Variants in XKR6 observed in about 807,000 individuals in gnomAD.
XKR6 encodes XK-related protein 6.
XKR6 carries 22 observed loss-of-function variants against 56.7 expected under a neutral mutation model. That is an observed-to-expected ratio of 0.39 (90% CI 0.28 to 0.55). XKR6 has a LOEUF of 0.55. Ranked by LOEUF, XKR6 falls within the 20% of genes least tolerant of loss-of-function variation. The pLI is 0.66. For synonymous variants in XKR6, 524 were observed against 387.8 expected, an observed-to-expected ratio of 1.35 and a Z score of -4.13; for missense variants, 852 against 889.0, an observed-to-expected ratio of 0.96 and a Z score of 0.53.
At chr8:11,118,906 G>A (rs566876219) in intron 1 of XKR6, among the ~76,000 whole-genome samples, 1 of 152,250 alleles carries the variant, frequency 6.6e-6, no homozygotes, top group East Asian at 1.9e-4. Flanking sequence ...ATGTTAGGGT[G>A]TCAATTTTAG....
At chr8:11,045,081 T>C (rs1799376263) in intron 1 of XKR6, among the ~76,000 whole-genome samples, 1 of 119,488 alleles carries the variant, frequency 8.4e-6, no homozygotes, top group East Asian at 2.3e-4. Context: ...CACTCTTTTT[T>C]TTTTTTTTTT....
At chr8:11,116,306 T>C (rs1324124482) in intron 1 of XKR6, among the ~76,000 whole-genome samples, 3 of 152,192 alleles carry the variant, frequency 2.0e-5, no homozygotes, top group African/African-American at 7.2e-5. Flanking sequence ...CATCTATGTA[T>C]CCCAAATTTG....
At chr8:10,945,127 C>T (rs963594769) in intron 1 of XKR6, among the ~76,000 whole-genome samples, 1 of 152,168 alleles carries the variant, frequency 6.6e-6, no homozygotes, top group African/African-American at 2.4e-5. Flanking sequence ...CATTTCCCCA[C>T]CAGCAAGTAG....
intron 1 of XKR6, among the ~76,000 whole-genome samples, chr8:11,016,591 C>G (rs1023992298): frequency 1.4e-4 from 21 of 152,206 alleles, no homozygotes; most frequent in Non-Finnish European, 2.5e-4. Flanking sequence ...CGCCGCCCTC[C>G]GGCTGGCTGC....
intron 1 of XKR6, among the ~76,000 whole-genome samples, chr8:10,993,835 C>A (rs932553837): frequency 1.3e-5 from 2 of 152,150 alleles, no homozygotes; most frequent in Non-Finnish European, 2.9e-5. Flanking sequence ...GGCTGGGGTT[C>A]CCTACCTCAC....
chr8:10,975,179 G>C (rs1489043784), intron 1 of XKR6, among the ~76,000 whole-genome samples: 1 of 152,122 alleles, frequency 6.6e-6, no homozygotes, highest in Non-Finnish European at 1.5e-5. Flanking sequence ...GATAGCAATG[G>C]GGAACCTGAG....
chr8:11,059,732 C>T (rs1487977971), intron 1 of XKR6, among the ~76,000 whole-genome samples: 1 of 150,274 alleles, frequency 6.7e-6, no homozygotes, highest in East Asian at 2.0e-4. Flanking sequence ...CCGGCCCGCG[C>T]CCCCCGGACC....
Position 11,200,791 on chromosome 8 carries a change from C to T in XKR6, c.549G>A (p.Trp183Ter). The part of the protein sequence containing the change: ...SLLVQSLSFR[W>*]FVQDYTGGGL... ...CGCCGCCCGTGTAGTCCTGCACGAA[C>T]CAGCGGAAGCTCAGGCTCTGCACCA... is the stretch of plus-strand genomic sequence containing the variant. Residue 183 changes from tryptophan (W) to a stop codon, truncating the protein, a stop_gained, in exon 1 of 3, where the codon TGG (tryptophan) becomes TGA (stop). Transcript: ENST00000416569. LOFTEE classifies it high-confidence loss of function. This position sits in a 1 kb window ranked among gnomAD's most constrained non-coding sequence, Gnocchi z 6.4. 1 of 1,608,996 alleles carries T rather than the reference C, an allele frequency of 6.2e-7. No homozygotes were observed.
intron 1 of XKR6, among the ~76,000 whole-genome samples, chr8:11,043,583 G>A (rs1323283965): frequency 6.6e-6 from 1 of 152,178 alleles, no homozygotes; most frequent in Non-Finnish European, 1.5e-5. Flanking sequence ...CACTTCCCCT[G>A]GGCAGAGTCA....
chr8:11,007,827 G>A (rs570824513), intron 1 of XKR6, among the ~76,000 whole-genome samples: 1 of 152,174 alleles, frequency 6.6e-6, no homozygotes, highest in South Asian at 2.1e-4. Context: ...TCCTCTCTGG[G>A]CTTGTATCTT....
rs571365197 is a variant in XKR6, at chr8:11,052,258, T to C, written c.765-127428A>G. Among the ~76,000 whole-genome samples, 6 of 152,246 alleles carry C rather than the reference T, an allele frequency of 3.9e-5. No individual in the cohort carries two copies. In the South Asian group the frequency reaches 6.2e-4, roughly 16 times the overall value. ...CACCACCGAGGTATCTGCTCAAGGA[T>C]AGCAGCTCAGAGGGGCCTCCCTTGA... On this transcript the variant is annotated intron_variant, in intron 1 of 2. Coordinates refer to ENST00000416569, the MANE Select transcript of XKR6 (RefSeq NM_173683.4).
chr8:10,977,643 T>A (rs968053237), intron 1 of XKR6, among the ~76,000 whole-genome samples: 1 of 149,076 alleles, frequency 6.7e-6, no homozygotes, highest in Non-Finnish European at 1.5e-5. Context: ...CAGAGACAGA[T>A]GAGTGCTAAT....
intron 1 of XKR6, among the ~76,000 whole-genome samples, chr8:11,155,059 G>A (rs914410105): frequency 2.0e-5 from 3 of 152,086 alleles, no homozygotes; most frequent in African/African-American, 7.2e-5. Flanking sequence ...GCAATATTTT[G>A]GCCAGAACCA....
At chr8:11,062,809 G>C (rs1178769347) in intron 1 of XKR6, 4 of 456,278 alleles carry the variant, frequency 8.8e-6, no homozygotes, top group Middle Eastern at 3.3e-4. Context: ...CCACCTCCCA[G>C]CCTCCTCGGC....
Position 11,201,386 on chromosome 8 carries a change from G to GT in XKR6, c.-48_-47insA. On this transcript the variant is annotated 5_prime_UTR_variant, in exon 1 of 3. Coordinates refer to ENST00000416569, the MANE Select transcript of XKR6 (RefSeq NM_173683.4). Reference sequence around the variant, plus strand: ...GGAGGTTGGGGGGGAGGGACGGCGGGGGGGGGGGGAAGAAGGCAGGGAACG... The same window carrying GT: ...GGAGGTTGGGGGGGAGGGACGGCGGGTGGGGGGGGGAAGAAGGCAGGGAACG... 9.4e-7 allele frequency: 1 copy of GT among 1,066,002 alleles called. No individual in the cohort carries two copies. Among genetic ancestry groups the GT allele is most frequent in the South Asian group, 1.8e-5 (1 of 54,574 alleles). The allele number at this position is 1,066,002 out of a possible 1,614,324, so 66.0% of individuals were successfully genotyped here.
intron 1 of XKR6, among the ~76,000 whole-genome samples, chr8:10,940,951 G>A (rs982177325): frequency 3.3e-5 from 5 of 152,188 alleles, no homozygotes; most frequent in African/African-American, 4.8e-5. Flanking sequence ...AGGATGCCAA[G>A]GCTGGGGTCA....
chr8:11,133,090 A>G (rs1262563091), intron 1 of XKR6, among the ~76,000 whole-genome samples: 1 of 152,202 alleles, frequency 6.6e-6, no homozygotes, highest in Non-Finnish European at 1.5e-5. Flanking sequence ...CAAAGCAAAT[A>G]TATGAATATA....
intron 1 of XKR6, among the ~76,000 whole-genome samples, chr8:11,140,257 C>G (rs1310286886): frequency 1.3e-5 from 2 of 152,060 alleles, no homozygotes; most frequent in Non-Finnish European, 2.9e-5. Flanking sequence ...TGGAACAGGA[C>G]AAATACTGAA....
chr8:11,123,926 G>A (rs1799610864), intron 1 of XKR6: 1 of 455,962 alleles, frequency 2.2e-6, no homozygotes, highest in Non-Finnish European at 4.4e-6. Context: ...TTCTTGGCTT[G>A]CCACCTCATC....
Sources: allele counts gnomAD v4.1 joint callset (sites outside exome capture counted in the v4.1 genomes callset), GRCh38; gene constraint gnomAD v4.1.1; non-coding constraint Gnocchi (gnomAD v3.1); transcripts MANE v1.5; gene names NCBI Gene and HGNC (gene_info 2026-07-23, HGNC 2026-07-21).